LRRC53: variants seen among roughly 807,000 people sequenced by gnomAD.
LRRC53 encodes the protein leucine rich repeat containing 53, also known as leucine-rich repeat-containing protein 53.
In LRRC53, 25 loss-of-function variants were observed where a neutral mutation model predicts 13.6. The observed-to-expected ratio is 1.83, with a 90% CI of 1.34 to 2.56. The LOEUF (loss-of-function observed/expected upper bound fraction) is 2.56. LRRC53 is among the 30% of genes most tolerant of loss of function. The pLI is 0.00. For missense variants in LRRC53, 527 were observed against 275.8 expected, an observed-to-expected ratio of 1.91 and a Z score of -6.45; for synonymous variants, 204 against 109.8, an observed-to-expected ratio of 1.86 and a Z score of -5.37.
chr1:74,517,600 A>T (rs1210279993), upstream of LRRC53, among the ~76,000 whole-genome samples: 2 of 152,192 alleles, frequency 1.3e-5, no homozygotes, highest in African/African-American at 2.4e-5. Context: ...TGTGCTAAGC[A>T]TTATGTATAA....
intron 3 of LRRC53, among the ~76,000 whole-genome samples, chr1:74,478,780 A>G (rs888598887): frequency 1.3e-5 from 2 of 152,228 alleles, no homozygotes; most frequent in African/African-American, 2.4e-5. Context: ...TGGGATATCT[A>G]TTAATTATCC....
intron 1 of LRRC53, among the ~76,000 whole-genome samples, chr1:74,487,552 A>G (rs1393432322): frequency 6.6e-6 from 1 of 152,132 alleles, no homozygotes; most frequent in African/African-American, 2.4e-5. Context: ...CAAATGCAAG[A>G]TGAAGCAAGG....
At position 74,472,074 on chromosome 1, in the gene LRRC53, TA is replaced by T. The variant is rs1056743169; in HGVS notation, c.1547del (p.Leu516TyrfsTer43). ...TAAAATGTCTTTGCCTATGAGGGTGTAAGCCATTGTCTTCTTTTTCTATTGG... is the reference window on the plus strand; with the variant it reads ...TAAAATGTCTTTGCCTATGAGGGTGTAGCCATTGTCTTCTTTTTCTATTGG... ...QPPIEKEDNG[L>X]HPHRQRHFIT... is the part of the protein sequence containing the mutation. On this transcript the variant is annotated frameshift_variant, in exon 5 of 5. Coordinates refer to ENST00000294635, the MANE Select transcript of LRRC53 (RefSeq NM_001382280.1). LOFTEE classifies it low-confidence loss of function (END_TRUNC). 44 of 717,010 alleles carry T rather than the reference TA, an allele frequency of 6.1e-5. No homozygotes were observed. The highest frequency in any genetic ancestry group is 1.0e-4 in the Non-Finnish European group (40 of 384,868). 44.4% of individuals were successfully genotyped at this position (717,010 alleles called of 1,614,324 possible).
chr1:74,480,053 G>T (rs1668402129), intron 3 of LRRC53, 100 bp downstream of exon 3: 3 of 619,718 alleles, frequency 4.8e-6, no homozygotes, highest in Non-Finnish European at 8.8e-6. Context: ...CCTTTCCATA[G>T]CCCTGGCAAC....
At chr1:74,533,212 C>T in the LRRC53 span, among the ~76,000 whole-genome samples, 1 of 151,982 alleles carries the variant, frequency 6.6e-6, no homozygotes, top group Admixed American at 6.6e-5. Flanking sequence ...CTCAAATTTA[C>T]AAGAAAAAAA....
chr1:74,489,138 G>A, intron 1 of LRRC53: 5 of 1,518,438 alleles, frequency 3.3e-6, no homozygotes, highest in Non-Finnish European at 4.5e-6. Context: ...TCCAAAGAGA[G>A]TCTCCTTCCT....
At chr1:74,511,103 G>T (rs529710716) in intron 1 of LRRC53, among the ~76,000 whole-genome samples, 2 of 152,004 alleles carry the variant, frequency 1.3e-5, no homozygotes, top group South Asian at 4.1e-4. Context: ...GGCCAGGCTG[G>T]TCTGGAACTC....
upstream of LRRC53, among the ~76,000 whole-genome samples, chr1:74,516,408 A>G (rs1322766761): frequency 6.6e-6 from 1 of 152,226 alleles, no homozygotes; most frequent in African/African-American, 2.4e-5. Flanking sequence ...TTGAGTCAGG[A>G]AGGCAATATC....
the LRRC53 span, among the ~76,000 whole-genome samples, chr1:74,524,526 T>G: frequency 6.6e-6 from 1 of 152,194 alleles, no homozygotes; most frequent in African/African-American, 2.4e-5. Context: ...TAGGAAAAAG[T>G]CACATAAATC....
intron 1 of LRRC53, among the ~76,000 whole-genome samples, chr1:74,499,839 A>G (rs1419561792): frequency 6.6e-6 from 1 of 152,040 alleles, no homozygotes; most frequent in African/African-American, 2.4e-5. Context: ...AGAGTTTACA[A>G]TTTTCTTTAT....
rs769475555 is a variant in LRRC53, at chr1:74,480,454, A to G, written c.603T>C (p.Thr201=). ...NRLAHMPDVF[T]PLKQLILLSL... is the part of the protein sequence containing the mutation. ...TCAGAAGGATTAACTGCTTCAGTGGAGTAAACACATCCGGCATGTGGGCTA... is the reference window on the plus strand; with the variant it reads ...TCAGAAGGATTAACTGCTTCAGTGGGGTAAACACATCCGGCATGTGGGCTA... Residue 201 remains threonine, a synonymous_variant, in exon 3 of 5, where the codon ACT becomes ACC. Transcript: ENST00000294635. 1.4e-6 allele frequency: 1 copy of G among 717,556 alleles called. No individual in the cohort carries two copies. The highest frequency in any genetic ancestry group is 2.6e-6 in the Non-Finnish European group (1 of 385,102). 44.4% of individuals were successfully genotyped at this position (717,556 alleles called of 1,614,324 possible). A position where few individuals can be genotyped will look rare whatever the true frequency, so the allele number is the denominator to read the frequency against.
chr1:74,489,229 A>G, intron 1 of LRRC53: 2 of 1,612,338 alleles, frequency 1.2e-6, no homozygotes, highest in Non-Finnish European at 1.7e-6. Context: ...AAGTTAGAAG[A>G]GTGTCTCTGC....
At chr1:74,523,325 A>C in the LRRC53 span, among the ~76,000 whole-genome samples, 3,310 of 152,328 alleles carry the variant, frequency 0.022, 58 homozygotes, top group East Asian at 0.07. Context: ...ATGTATCATC[A>C]AATTTTGAGC....
chr1:74,510,303 G>A (rs145872251), intron 1 of LRRC53, among the ~76,000 whole-genome samples: 1,629 of 152,076 alleles, frequency 0.011, 27 homozygotes, highest in African/African-American at 0.037. Flanking sequence ...TCAGGAGATC[G>A]AGACCATCCT....
At chr1:74,484,291 G>A (rs542605103) in intron 1 of LRRC53, among the ~76,000 whole-genome samples, 2 of 150,868 alleles carry the variant, frequency 1.3e-5, no homozygotes, top group Non-Finnish European at 1.5e-5. Context: ...AAAATAAAAT[G>A]TAGAAAAAAC....
At chr1:74,518,327 A>G in the LRRC53 span, among the ~76,000 whole-genome samples, 1 of 152,160 alleles carries the variant, frequency 6.6e-6, no homozygotes, top group African/African-American at 2.4e-5. Context: ...TTCATCTCCT[A>G]TTTCCACATA....
chr1:74,521,475 A>T, the LRRC53 span, among the ~76,000 whole-genome samples: 54 of 113,854 alleles, frequency 4.7e-4, no homozygotes, highest in South Asian at 1.3e-3. Flanking sequence ...TATCTCTCTC[A>T]CACACACACA....
At chr1:74,474,526 A>G (rs1415767838) in intron 4 of LRRC53, among the ~76,000 whole-genome samples, 3 of 152,202 alleles carry the variant, frequency 2.0e-5, no homozygotes, top group Non-Finnish European at 4.4e-5. Flanking sequence ...TCTGTCATTC[A>G]TACTCTTAGA....
intron 1 of LRRC53, among the ~76,000 whole-genome samples, chr1:74,510,401 A>G (rs1570721456): frequency 6.6e-6 from 1 of 152,064 alleles, no homozygotes; most frequent in Non-Finnish European, 1.5e-5. Context: ...CCAGCTACTC[A>G]GGAGGCTGAG....
Sources: gnomAD v4.1 joint callset for allele counts (sites outside exome capture counted in the v4.1 genomes callset) on GRCh38, gnomAD v4.1.1 for gene constraint, MANE v1.5 for transcripts, NCBI Gene and HGNC (gene_info 2026-07-23, HGNC 2026-07-21) for gene names.